SPMIP2: variants seen among roughly 807,000 people sequenced by gnomAD.
SPMIP2 encodes protein SPMIP2.
At chr4:159,021,304 A>C in the SPMIP2 span, among the ~76,000 whole-genome samples, 1 of 152,232 alleles carries the variant, frequency 6.6e-6, no homozygotes, top group Admixed American at 6.5e-5. Context: ...AATTGGAGAA[A>C]GCCATTCACA....
the SPMIP2 span, among the ~76,000 whole-genome samples, chr4:158,998,267 T>C: frequency 6.6e-6 from 1 of 152,240 alleles, no homozygotes. Flanking sequence ...CAAGCCAGAT[T>C]TGGCACATGA....
chr4:158,915,220 G>A, the SPMIP2 span: 1 of 1,613,490 alleles, frequency 6.2e-7, no homozygotes, highest in East Asian at 2.2e-5. Flanking sequence ...GAAGCTCTTG[G>A]CAATGATGAC....
the SPMIP2 span, among the ~76,000 whole-genome samples, chr4:159,036,519 G>A: frequency 6.6e-6 from 1 of 152,226 alleles, no homozygotes; most frequent in East Asian, 1.9e-4. Flanking sequence ...TTCTTCCTCT[G>A]ATCAGTCCTG....
the SPMIP2 span, among the ~76,000 whole-genome samples, chr4:158,945,949 C>G: frequency 6.6e-6 from 1 of 152,150 alleles, no homozygotes; most frequent in Non-Finnish European, 1.5e-5. Flanking sequence ...TTCATCACCA[C>G]AAATCATTTT....
the SPMIP2 span, among the ~76,000 whole-genome samples, chr4:158,939,478 T>G: frequency 1.3e-5 from 2 of 152,222 alleles, no homozygotes; most frequent in Non-Finnish European, 2.9e-5. Flanking sequence ...CATACATTTC[T>G]CCTAAAAATT....
At chr4:159,052,962 T>A in the SPMIP2 span, among the ~76,000 whole-genome samples, 39,955 of 141,100 alleles carry the variant, frequency 0.28, 6,306 homozygotes, top group Non-Finnish European at 0.36. Flanking sequence ...ATTATTTTTT[T>A]TTTTTTTTTT....
At chr4:159,082,445 T>TTC in the SPMIP2 span, among the ~76,000 whole-genome samples, 58,861 of 130,198 alleles carry the variant, frequency 0.45, 11,897 homozygotes, top group Admixed American at 0.46. Context: ...AATTCCACTT[T>TTC]TCTCTGTGTG....
chr4:159,026,200 G>A, the SPMIP2 span: 16 of 468,758 alleles, frequency 3.4e-5, 1 homozygote, highest in East Asian at 7.7e-4. Flanking sequence ...GGAACTAGGA[G>A]TGGGAATAGC....
chr4:158,950,509 A>T, the SPMIP2 span, among the ~76,000 whole-genome samples: 4 of 152,286 alleles, frequency 2.6e-5, no homozygotes, highest in South Asian at 2.1e-4. Flanking sequence ...ACCATGTTCA[A>T]TGCAAGGGAA....
chr4:158,973,449 A>G, the SPMIP2 span: 1 of 468,274 alleles, frequency 2.1e-6, no homozygotes, highest in Non-Finnish European at 3.7e-6. Flanking sequence ...AGCCTTTTAG[A>G]CATGTTAATT....
the SPMIP2 span, among the ~76,000 whole-genome samples, chr4:158,985,812 G>A: frequency 1.3e-5 from 2 of 151,978 alleles, no homozygotes; most frequent in Non-Finnish European, 2.9e-5. Flanking sequence ...AGAAATAAAG[G>A]GTATTCAATT....
At chr4:159,022,273 C>T in the SPMIP2 span, among the ~76,000 whole-genome samples, 1 of 152,206 alleles carries the variant, frequency 6.6e-6, no homozygotes, top group Admixed American at 6.5e-5. Context: ...TCCTAATTAT[C>T]CTGTCACCAG....
the SPMIP2 span, among the ~76,000 whole-genome samples, chr4:159,060,971 G>A: frequency 6.6e-6 from 1 of 151,742 alleles, no homozygotes; most frequent in Non-Finnish European, 1.5e-5. Flanking sequence ...TATAGTTCCA[G>A]CTACTTGGGA....
At chr4:158,993,567 C>T in the SPMIP2 span, among the ~76,000 whole-genome samples, 1 of 151,960 alleles carries the variant, frequency 6.6e-6, no homozygotes, top group Non-Finnish European at 1.5e-5. Flanking sequence ...TATTCTTTCA[C>T]TGATTTATTC....
chr4:158,991,156 G>C, the SPMIP2 span, among the ~76,000 whole-genome samples: 1 of 152,178 alleles, frequency 6.6e-6, no homozygotes, highest in African/African-American at 2.4e-5. Flanking sequence ...ATGAAAAACA[G>C]ACAATGGAGC....
chr4:158,953,368 C>T, the SPMIP2 span, among the ~76,000 whole-genome samples: 8 of 152,188 alleles, frequency 5.3e-5, no homozygotes, highest in Admixed American at 1.3e-4. Flanking sequence ...GCAGCTTCCA[C>T]GTGGTGTTGA....
the SPMIP2 span, among the ~76,000 whole-genome samples, chr4:159,031,917 T>C: frequency 6.6e-6 from 1 of 152,168 alleles, no homozygotes; most frequent in Non-Finnish European, 1.5e-5. Context: ...GTAATAAAAA[T>C]GATTTTAAAA....
chr4:158,895,936 T>C, the SPMIP2 span: 1 of 1,164,320 alleles, frequency 8.6e-7, no homozygotes. Context: ...CTAACGTGTT[T>C]AGCCTGTGTC....
the SPMIP2 span, among the ~76,000 whole-genome samples, chr4:159,051,074 T>C: frequency 6.8e-6 from 1 of 147,288 alleles, no homozygotes; most frequent in Admixed American, 6.9e-5. Flanking sequence ...GCCACTGCAC[T>C]CCAGCCTGGG....
Sources: allele counts gnomAD v4.1 joint callset (sites outside exome capture counted in the v4.1 genomes callset), GRCh38; gene constraint gnomAD v4.1.1; transcripts MANE v1.5; gene names NCBI Gene and HGNC (gene_info 2026-07-23, HGNC 2026-07-21).